The following LINGO2 variants were observed in gnomAD, a reference collection of about 807,000 sequenced individuals.
The protein encoded by LINGO2 is leucine rich repeat and Ig domain containing 2.
Under a neutral mutation model 30.6 loss-of-function variants are expected in LINGO2, and 14 were observed. The ratio of observed to expected loss-of-function variants is 0.46; its 90% confidence interval spans 0.30 to 0.72. LINGO2 has a LOEUF of 0.72. Ranked by LOEUF, LINGO2 falls within the 30% of genes least tolerant of loss-of-function variation. The pLI, the probability that LINGO2 is intolerant of heterozygous loss-of-function variation, is 0.07. For synonymous variants in LINGO2, 317 were observed against 288.5 expected (o/e 1.10, Z -1.00); for missense variants, 729 against 751.7 (o/e 0.97, Z 0.35).
intron 4 of LINGO2, among the ~76,000 whole-genome samples, chr9:28,036,403 G>A (rs536132942): frequency 6.6e-6 from 1 of 152,226 alleles, no homozygotes; most frequent in East Asian, 1.9e-4. Context: ...AAAGTTAGCT[G>A]GATTATTGTG....
intron 3 of LINGO2, among the ~76,000 whole-genome samples, chr9:28,342,301 A>G (rs1309387452): frequency 2.0e-5 from 3 of 152,114 alleles, no homozygotes. Context: ...TCGTCATATA[A>G]GTATTTCTAC....
At chr9:27,972,808 A>T (rs1300719011) in intron 5 of LINGO2, among the ~76,000 whole-genome samples, 1 of 152,192 alleles carries the variant, frequency 6.6e-6, no homozygotes, top group East Asian at 1.9e-4. Flanking sequence ...TGATAGTTAC[A>T]TTCAAACTGA....
At chr9:28,414,406 T>C (rs1822890997) in intron 2 of LINGO2, among the ~76,000 whole-genome samples, 1 of 152,142 alleles carries the variant, frequency 6.6e-6, no homozygotes, top group African/African-American at 2.4e-5. Context: ...AAACAAATTT[T>C]AACACATATT....
At chr9:28,435,194 G>A (rs989536153) in intron 2 of LINGO2, among the ~76,000 whole-genome samples, 2 of 152,000 alleles carry the variant, frequency 1.3e-5, no homozygotes, top group South Asian at 4.1e-4. Context: ...AACAACTACA[G>A]ACACTAAAGG....
At chr9:29,088,804 A>G in the LINGO2 span, among the ~76,000 whole-genome samples, 1 of 152,218 alleles carries the variant, frequency 6.6e-6, no homozygotes. Flanking sequence ...TATAGGAGAA[A>G]GACTCATGGA....
At chr9:28,831,347 T>G in the LINGO2 span, among the ~76,000 whole-genome samples, 2 of 152,094 alleles carry the variant, frequency 1.3e-5, no homozygotes, top group African/African-American at 4.8e-5. Context: ...TCAGGAAAAT[T>G]TTAACAGACA....
chr9:28,815,968 G>A, the LINGO2 span, among the ~76,000 whole-genome samples: 8 of 152,126 alleles, frequency 5.3e-5, no homozygotes, highest in Non-Finnish European at 1.0e-4. Context: ...GGTTTTGGAG[G>A]TTAGAAAGTC....
At chr9:28,744,480 C>T in the LINGO2 span, among the ~76,000 whole-genome samples, 4 of 151,958 alleles carry the variant, frequency 2.6e-5, no homozygotes, top group East Asian at 7.7e-4. Flanking sequence ...ATGATGTCCA[C>T]CATGAAGTTC....
At chr9:28,053,720 T>G (rs758952534) in intron 4 of LINGO2, among the ~76,000 whole-genome samples, 1 of 152,078 alleles carries the variant, frequency 6.6e-6, no homozygotes, top group Non-Finnish European at 1.5e-5. Context: ...AATAGGTCTA[T>G]ATTGGAACTG....
rs199981317 is a variant in LINGO2, at chr9:27,981,534, CAAAAAAAAAAAAAAAAGAAAAAAAAGA to C, written c.-36+30794_-36+30820del. On this transcript the variant is annotated intron_variant, in intron 5 of 5. Coordinates refer to ENST00000379992, the Ensembl canonical transcript of LINGO2. The stretch of plus-strand genomic sequence containing the variant: ...ATGAAAGGATAAATGACGAGGATGG[CAAAAAAAAAAAAAAAAGAAAAAAAAGA>C]AAAAAAAAGAAAAAAAAAAGAAAAA... Among the ~76,000 whole-genome samples, 83 of 39,872 alleles carry C rather than the reference CAAAAAAAAAAAAAAAAGAAAAAAAAGA, an allele frequency of 2.1e-3. 4 individuals carry two copies. In the East Asian group the frequency reaches 0.036, roughly 17 times the overall value. The allele number at this position is 39,872 out of a possible 152,430, so 26.2% of individuals were successfully genotyped here. A position where few individuals can be genotyped will look rare whatever the true frequency, so the allele number is the denominator to read the frequency against.
chr9:28,990,784 C>T, the LINGO2 span, among the ~76,000 whole-genome samples: 97,088 of 151,434 alleles, frequency 0.64, 31,877 homozygotes, highest in Non-Finnish European at 0.72. Context: ...AACAGACCTG[C>T]AGCTGAGGTT....
At chr9:28,762,817 G>T in the LINGO2 span, among the ~76,000 whole-genome samples, 1 of 152,048 alleles carries the variant, frequency 6.6e-6, no homozygotes, top group Middle Eastern at 3.4e-3. Flanking sequence ...CTTGTCTTTT[G>T]AACTACTGGC....
chr9:28,553,631 T>C (rs1822449496), intron 1 of LINGO2, among the ~76,000 whole-genome samples: 1 of 151,872 alleles, frequency 6.6e-6, no homozygotes, highest in African/African-American at 2.4e-5. Context: ...ACGTTCAGAT[T>C]CAGGAAATAC....
At chr9:28,862,769 C>T in the LINGO2 span, among the ~76,000 whole-genome samples, 61 of 152,156 alleles carry the variant, frequency 4.0e-4, no homozygotes, top group South Asian at 8.1e-3. Flanking sequence ...ATAAGACCTA[C>T]GCTCTAGCCT....
chr9:29,168,029 G>T, the LINGO2 span, among the ~76,000 whole-genome samples: 1 of 151,820 alleles, frequency 6.6e-6, no homozygotes, highest in African/African-American at 2.4e-5. Flanking sequence ...CTAGTACATT[G>T]TTATTGTTTT....
intron 1 of LINGO2, among the ~76,000 whole-genome samples, chr9:28,654,528 A>G (rs1257192574): frequency 6.6e-6 from 1 of 151,986 alleles, no homozygotes; most frequent in Non-Finnish European, 1.5e-5. Flanking sequence ...TTTATTCCTA[A>G]ATTGTAAATA....
chr9:28,296,520 T>C (rs572551634), intron 3 of LINGO2, among the ~76,000 whole-genome samples: 24 of 152,268 alleles, frequency 1.6e-4, no homozygotes, highest in African/African-American at 5.5e-4. Context: ...TAAATCCTCA[T>C]GCACCTGTGA....
chr9:27,973,952 TATTG>T (rs966911661), intron 5 of LINGO2, among the ~76,000 whole-genome samples: 9 of 152,168 alleles, frequency 5.9e-5, no homozygotes, highest in African/African-American at 1.9e-4. Flanking sequence ...AGATAAAATA[TATTG>T]ATTAACTCCA....
intron 2 of LINGO2, among the ~76,000 whole-genome samples, chr9:28,424,278 C>A (rs901939853): frequency 2.0e-5 from 3 of 152,130 alleles, no homozygotes; most frequent in Non-Finnish European, 4.4e-5. Flanking sequence ...TGAAGTTATA[C>A]AACTTTTAGG....
Sources: gnomAD v4.1 joint callset for allele counts (sites outside exome capture counted in the v4.1 genomes callset) on GRCh38, gnomAD v4.1.1 for gene constraint, MANE v1.5 for transcripts, NCBI Gene and HGNC (gene_info 2026-07-23, HGNC 2026-07-21) for gene names.